Variants in ZNF14 observed in about 807,000 individuals in gnomAD.
ZNF14 encodes zinc finger protein 14, also known as gonadotropin inducible transcription repressor-4.
In ZNF14, 9 loss-of-function variants were observed where a neutral mutation model predicts 11.3. That is an observed-to-expected ratio of 0.80 (90% CI 0.48 to 1.39). The LOEUF is 1.39. Among genes scored for constraint, ZNF14 ranks in the 40% most tolerant of loss-of-function variants. ZNF14 has a pLI of 0.00. For missense variants in ZNF14, 711 were observed against 763.9 expected (o/e 0.93, Z 0.82); for synonymous variants, 239 against 245.7 (o/e 0.97, Z 0.25).
intron 2 of ZNF14, 77 bp from the exon 3 acceptor site, chr19:19,714,228 A>G: frequency 6.3e-7 from 1 of 1,583,038 alleles, no homozygotes; most frequent in Non-Finnish European, 8.6e-7. Context: ...TTTCATGATT[A>G]GCTGTGACTG....
Position 19,710,693 on chromosome 19 carries a change from T to C in ZNF14, c.*659A>G, listed in dbSNP as rs1365924827. On this transcript the variant is annotated 3_prime_UTR_variant, in exon 4 of 4. Transcript: ENST00000344099. ...CTGTGTGAAGGCTTTCCCAAATGTC[T>C]TACATTTATAGACTTTCACCCCACT... 2 of 152,830 alleles carry C rather than the reference T, an allele frequency of 1.3e-5. No homozygotes were observed. Among genetic ancestry groups the C allele is most frequent in the Non-Finnish European group, 2.9e-5 (2 of 68,046 alleles). The allele number at this position is 152,830 out of a possible 1,614,324, so 9.5% of individuals were successfully genotyped here.
Position 19,727,355 on chromosome 19 carries a change from T to C in ZNF14, c.3+5601A>G, listed in dbSNP as rs2062409265. On this transcript the variant is annotated intron_variant, in intron 1 of 3. Coordinates refer to ENST00000344099, the MANE Select transcript of ZNF14 (RefSeq NM_021030.3). ...TTTTTTTGTAGTGATGGGGTCTCCC[T>C]ATGTTGCTGGTCTCAAGTCATCCTC... Among the ~76,000 whole-genome samples, 2 of 133,290 alleles carry C rather than the reference T, an allele frequency of 1.5e-5. 1 individual carries two copies. The highest frequency in any genetic ancestry group is 5.6e-5 in the African/African-American group (2 of 35,986). 87.4% of individuals were successfully genotyped at this position (133,290 alleles called of 152,430 possible).
chr19:19,711,966 T>C lies in ZNF14; in HGVS notation c.1315A>G (p.Arg439Gly). The C allele has an allele frequency of 6.2e-7, 1 of 1,614,056 alleles. No individual in the cohort carries two copies. The highest frequency in any genetic ancestry group is 1.1e-5 in the South Asian group (1 of 91,076). ...SFSSSLQRHE[R>G]THNAEKPYEC... Reference sequence around the variant, plus strand: ...TAGGGTTTCTCTGCATTGTGAGTCCTTTCATGTCTTTGAAGGGAACTTGAA... The same window carrying C: ...TAGGGTTTCTCTGCATTGTGAGTCCCTTCATGTCTTTGAAGGGAACTTGAA... Residue 439 changes from arginine (R) to glycine (G), a missense_variant, in exon 4 of 4, where the codon AGG becomes GGG. Transcript: ENST00000344099.
Position 19,712,547 on chromosome 19 carries a change from T to C in ZNF14, c.734A>G (p.His245Arg), listed in dbSNP as rs2062364730. 1 of 1,613,378 alleles carries C rather than the reference T, an allele frequency of 6.2e-7. No individual in the cohort carries two copies. The change falls in exon 4 of 4, where the codon CAC becomes CGC. Residue 245 changes from histidine to arginine, a missense_variant. Physicochemically the swap from His to Arg is conservative, Grantham distance 29. Transcript: ENST00000344099. ...ACATTCATAGGGTTTCTCTCCAGTG[T>C]GAGTCCTTTTGTGTCTTTGAAAAGA... ...YQSFQRHKRT[H>R]TGEKPYECKQ...
At position 19,714,211 on chromosome 19, in the gene ZNF14, A is replaced by G. The variant is rs11883102; in HGVS notation, c.131-60T>C. ...ATTAGAAATTATAGAAAATTGTTAC[A>G]GTCTAGTTTCATGATTAGCTGTGAC... is the stretch of plus-strand genomic sequence containing the variant. On this transcript the variant is annotated intron_variant, in intron 2 of 3. Coordinates refer to ENST00000344099, the MANE Select transcript of ZNF14 (RefSeq NM_021030.3). 3,189 of 1,593,080 alleles carry G rather than the reference A, an allele frequency of 2.0e-3. 45 individuals carry two copies. The African/African-American group carries it at 0.035, about 18-fold the overall frequency.
intron 2 of ZNF14, 31 bp from the exon 3 acceptor site, chr19:19,714,182 AATT>A (rs762450373): frequency 2.5e-6 from 4 of 1,602,468 alleles, no homozygotes; most frequent in Non-Finnish European, 2.6e-6. Context: ...GACCATTAAA[AATT>A]ATTAGAAATT....
chr19:19,732,966 C>G lies in ZNF14; in HGVS notation c.-8G>C. ...GCCCCGCACACTCACCATTTCCCAG[C>G]GTCCGGGAAGTCACGGTGTCCTCCC... On this transcript the variant is annotated 5_prime_UTR_variant, in exon 1 of 4. Transcript: ENST00000344099. The G allele has an allele frequency of 1.2e-6, 2 of 1,613,652 alleles. No homozygotes were observed. Among genetic ancestry groups the G allele is most frequent in the Non-Finnish European group, 8.5e-7 (1 of 1,179,726 alleles).
Position 19,712,819 on chromosome 19 carries a change from G to A in ZNF14, c.462C>T (p.His154=), listed in dbSNP as rs2062366007. Residue 154 remains histidine, a synonymous_variant, in exon 4 of 4, where the codon CAC becomes CAT. Coordinates refer to ENST00000344099, the MANE Select transcript of ZNF14 (RefSeq NM_021030.3). ...GAGTTCTTTCATGTTTGCGAAAGCA[G>A]TGGTGATAACTGAAGGTTTTCCCAA... ...KAVGKTFSYH[H]CFRKHERTHT... 4 of 1,614,060 alleles carry A rather than the reference G, an allele frequency of 2.5e-6. No individual in the cohort carries two copies. The highest frequency in any genetic ancestry group is 3.3e-5 in the Admixed American group (2 of 60,004).
intron 3 of ZNF14, 68 bp from the exon 4 acceptor site, chr19:19,713,157 A>G: frequency 7.1e-7 from 1 of 1,417,348 alleles, no homozygotes; most frequent in Non-Finnish European, 9.5e-7. Context: ...TAGGTATGAG[A>G]ATTACATTTT....
At chr19:19,714,206 G>A (rs2062371028) in intron 2 of ZNF14, 55 bp from the exon 3 acceptor site, 2 of 1,594,818 alleles carry the variant, frequency 1.3e-6, no homozygotes, top group Non-Finnish European at 8.6e-7. Flanking sequence ...ATAGAAAATT[G>A]TTACAGTCTA....
intron 1 of ZNF14, among the ~76,000 whole-genome samples, chr19:19,724,336 T>C (rs1182195362): frequency 4.5e-5 from 6 of 134,464 alleles, no homozygotes; most frequent in African/African-American, 1.6e-4. Context: ...CATTTCGTTA[T>C]GCACCCAATA....
At chr19:19,714,335 G>A in intron 2 of ZNF14, 26 bp downstream of exon 2, 1 of 1,612,944 alleles carries the variant, frequency 6.2e-7, no homozygotes, top group Non-Finnish European at 8.5e-7. Flanking sequence ...ATATTTAACT[G>A]AGGAAAGAAA....
At chr19:19,729,907 C>G (rs961189219) in intron 1 of ZNF14, among the ~76,000 whole-genome samples, 1 of 152,138 alleles carries the variant, frequency 6.6e-6, no homozygotes, top group African/African-American at 2.4e-5. Flanking sequence ...ATACCTAGAC[C>G]GATAAGCTTT....
rs146469054 is a variant in ZNF14, at chr19:19,711,403, A to G, written c.1878T>C (p.Ser626=). ...ECKQCGKAFI[S]SSHFRLHERT... ...TTTCATGCAGTCGAAAGTGACTGGA[A>G]GAAATGAAGGCTTTTCCACATTGTT... Residue 626 remains serine, a synonymous_variant, in exon 4 of 4, where the codon TCT becomes TCC. Coordinates refer to ENST00000344099, the MANE Select transcript of ZNF14 (RefSeq NM_021030.3). 224 of 1,593,422 alleles carry G rather than the reference A, an allele frequency of 1.4e-4. No homozygotes were observed. The African/African-American group carries it at 2.8e-3, about 20-fold the overall frequency.
In ZNF14 at chr19:19,711,441, G is replaced by A; in HGVS notation, c.1840C>T (p.Pro614Ser). 1 of 1,611,212 alleles carries A rather than the reference G, an allele frequency of 6.2e-7. No homozygotes were observed. Among genetic ancestry groups the A allele is most frequent in the Non-Finnish European group, 8.5e-7 (1 of 1,179,006 alleles). The change falls in exon 4 of 4, where the codon CCT becomes TCT. Residue 614 changes from proline to serine, a missense_variant. By Grantham distance (74) the Pro-to-Ser change is moderately conservative. Transcript: ENST00000344099. Reference protein sequence around the residue: ...IHERSHTGEKPYECKQCGKAF... With the variant: ...IHERSHTGEKSYECKQCGKAF... ...TTTCCACATTGTTTGCATTCATAAGGTTTCTCTCCAGTGTGAGACCTTTCA... is the reference window on the plus strand; with the variant it reads ...TTTCCACATTGTTTGCATTCATAAGATTTCTCTCCAGTGTGAGACCTTTCA...
Position 19,712,151 on chromosome 19 carries a change from GA to G in ZNF14, c.1129del (p.Ser377LeufsTer329). On this transcript the variant is annotated frameshift_variant, in exon 4 of 4. Transcript: ENST00000344099. LOFTEE classifies it low-confidence loss of function (END_TRUNC). The stretch of plus-strand genomic sequence containing the variant: ...ATGAGTTCTTTCATGCAATCGAAGA[GA>G]AATGGACCAACTGAATGATTTGCCA... ...RCGKSFSWSI[S>X]LRLHERTHTG... 1 of 1,614,002 alleles carries G rather than the reference GA, an allele frequency of 6.2e-7. No individual in the cohort carries two copies. The highest frequency in any genetic ancestry group is 1.7e-4 in the Middle Eastern group (1 of 6,058).
At chr19:19,730,580 C>T (rs192595051) in intron 1 of ZNF14, among the ~76,000 whole-genome samples, 86 of 152,244 alleles carry the variant, frequency 5.6e-4, no homozygotes, top group Non-Finnish European at 7.4e-4. Flanking sequence ...ATGTACTAAG[C>T]GAAGTACTTA....
chr19:19,723,403 GA>G (rs2062398465), intron 1 of ZNF14, among the ~76,000 whole-genome samples: 1 of 152,132 alleles, frequency 6.6e-6, no homozygotes, highest in Non-Finnish European at 1.5e-5. Flanking sequence ...TGTGTATGTT[GA>G]ACCAGCCTTG....
intron 1 of ZNF14, among the ~76,000 whole-genome samples, chr19:19,722,449 A>G (rs1275023100): frequency 6.6e-6 from 1 of 152,210 alleles, no homozygotes; most frequent in Non-Finnish European, 1.5e-5. Flanking sequence ...TTTTGGTACC[A>G]GTACCATGCT....
Sources: gnomAD v4.1 joint callset for allele counts (sites outside exome capture counted in the v4.1 genomes callset) on GRCh38, gnomAD v4.1.1 for gene constraint, MANE v1.5 for transcripts, NCBI Gene and HGNC (gene_info 2026-07-23, HGNC 2026-07-21) for gene names.